VRTN: variants seen among roughly 807,000 people sequenced by gnomAD.
The protein encoded by VRTN is vertnin.
VRTN carries 5 observed loss-of-function variants against 18.2 expected under a neutral mutation model. That is an observed-to-expected ratio of 0.27 (90% confidence interval 0.14 to 0.58). VRTN has a LOEUF of 0.58. Among genes scored for constraint, VRTN ranks in the 20% least tolerant of loss-of-function variants. The probability of loss-of-function intolerance (pLI) is 0.91; values close to 1 mark genes in which losing one functional copy is unlikely to be tolerated. For missense variants in VRTN, 741 were observed against 939.4 expected (o/e 0.79, Z 2.76); for synonymous variants, 381 against 393.7 (o/e 0.97, Z 0.38).
At chr14:74,303,036 A>G (rs149188516), upstream of VRTN, 929 of 1,075,782 alleles carry the variant, frequency 8.6e-4, 2 homozygotes, top group African/African-American at 0.014. Context: ...GGTGCGGGAG[A>G]CGCGGACTCT....
At chr14:74,354,978 C>A (rs2140213607) in intron 1 of VRTN, among the ~76,000 whole-genome samples, 1 of 151,824 alleles carries the variant, frequency 6.6e-6, no homozygotes, top group African/African-American at 2.4e-5. Flanking sequence ...CCCGTCTCTA[C>A]TAAAATTACA....
At chr14:74,309,551 AAC>A (rs1420678466) in intron 1 of VRTN, among the ~76,000 whole-genome samples, 2 of 152,116 alleles carry the variant, frequency 1.3e-5, no homozygotes, top group Non-Finnish European at 1.5e-5. Flanking sequence ...AACCTCAAAA[AAC>A]ACACAGTGAG....
chr14:74,357,756 C>A lies in VRTN; in HGVS notation c.973C>A (p.His325Asn), dbSNP rs773103503. Residue 325 changes from histidine (H) to asparagine (N), a missense_variant, in exon 2 of 2, where the codon CAC (histidine) becomes AAC (asparagine). His to Asn is a moderately conservative substitution (Grantham distance 68). Coordinates refer to ENST00000256362, the MANE Select transcript of VRTN (RefSeq NM_018228.3). This position sits in a 1 kb window ranked among gnomAD's most constrained non-coding sequence, Gnocchi z 7.8. ...CAAGCACTTCCTGCAGGACAGCTTC[C>A]ACCGGGGGGGCGTCGTGCCACTTCA... ...SAKHFLQDSF[H>N]RGGVVPLQQF... 1.2e-6 allele frequency: 2 copies of A among 1,613,192 alleles called. No homozygotes were observed. The highest frequency in any genetic ancestry group is 2.7e-5 in the African/African-American group (2 of 74,950).
intron 1 of VRTN, among the ~76,000 whole-genome samples, chr14:74,331,547 TATATATATATATATATATA>T (rs2085525438): frequency 7.5e-5 from 2 of 26,726 alleles, no homozygotes; most frequent in South Asian, 3.2e-3. Context: ...AAAAATTTTA[TATATATATATATATATATA>T]TATATATATA....
intron 1 of VRTN, among the ~76,000 whole-genome samples, chr14:74,350,159 A>C (rs2085674626): frequency 6.6e-6 from 1 of 152,126 alleles, no homozygotes; most frequent in African/African-American, 2.4e-5. Context: ...TGTCTACTTA[A>C]GAGTGATAGG....
At chr14:74,313,379 A>AG (rs1420624517) in intron 1 of VRTN, among the ~76,000 whole-genome samples, 2 of 152,240 alleles carry the variant, frequency 1.3e-5, no homozygotes, top group East Asian at 1.9e-4. Flanking sequence ...GCAAAAAAAA[A>AG]GAAATTCCTG....
chr14:74,351,495 GTTTTT>G (rs59810913), intron 1 of VRTN, among the ~76,000 whole-genome samples: 11 of 89,692 alleles, frequency 1.2e-4, no homozygotes, highest in Non-Finnish European at 1.8e-4. Context: ...TGATTACCAG[GTTTTT>G]TTTTTTTTTT....
At chr14:74,305,091 G>C (rs896797292) in intron 1 of VRTN, among the ~76,000 whole-genome samples, 7 of 152,084 alleles carry the variant, frequency 4.6e-5, no homozygotes, top group African/African-American at 1.7e-4. Context: ...CAGCGCTTTT[G>C]GAGGCCGAAG....
chr14:74,333,103 C>T (rs2085539077), intron 1 of VRTN, among the ~76,000 whole-genome samples: 1 of 152,218 alleles, frequency 6.6e-6, no homozygotes, highest in South Asian at 2.1e-4. Flanking sequence ...TGTTTATATG[C>T]CAGGCACGGT....
intron 1 of VRTN, among the ~76,000 whole-genome samples, chr14:74,307,472 G>C (rs72730118): frequency 6.6e-6 from 1 of 151,812 alleles, no homozygotes; most frequent in Admixed American, 6.6e-5. Flanking sequence ...TGCTCTTGAA[G>C]GCCAAAAATG....
upstream of VRTN, among the ~76,000 whole-genome samples, chr14:74,346,843 G>A (rs1350538048): frequency 2.0e-5 from 3 of 151,948 alleles, no homozygotes; most frequent in South Asian, 2.1e-4. Flanking sequence ...AAAACACTTT[G>A]AAAGATTCCA....
At chr14:74,330,118 G>A (rs2085512175) in intron 1 of VRTN, among the ~76,000 whole-genome samples, 2 of 151,898 alleles carry the variant, frequency 1.3e-5, no homozygotes, top group Admixed American at 6.6e-5. Flanking sequence ...CAAGTGATCT[G>A]CCTGCCTCGG....
At chr14:74,310,828 G>A (rs988519603) in intron 1 of VRTN, among the ~76,000 whole-genome samples, 3 of 152,044 alleles carry the variant, frequency 2.0e-5, no homozygotes, top group South Asian at 2.1e-4. Context: ...ATGAGCCACT[G>A]CACCCGGTGA....
In VRTN at chr14:74,357,821, C is replaced by A; in HGVS notation, c.1038C>A (p.Thr346=). 1.2e-6 allele frequency: 2 copies of A among 1,613,526 alleles called. No homozygotes were observed. Among genetic ancestry groups the A allele is most frequent in the Non-Finnish European group, 1.7e-6 (2 of 1,180,046 alleles). ...LQRFPEISRS[T]YYAWKHELLG... is the part of the protein sequence containing the mutation. ...GGTTCCCGGAGATCTCCCGCTCAACCTACTATGCCTGGAAGCATGAGCTGC... is the reference window on the plus strand; with the variant it reads ...GGTTCCCGGAGATCTCCCGCTCAACATACTATGCCTGGAAGCATGAGCTGC... Residue 346 remains threonine (T), a synonymous_variant, in exon 2 of 2, where the codon ACC becomes ACA. Coordinates refer to ENST00000256362, the MANE Select transcript of VRTN (RefSeq NM_018228.3). The surrounding 1 kb of genome is among the most constrained non-coding windows in gnomAD (Gnocchi z 7.8).
intron 1 of VRTN, among the ~76,000 whole-genome samples, chr14:74,356,412 G>T (rs1039120123): frequency 1.3e-5 from 2 of 152,144 alleles, no homozygotes; most frequent in South Asian, 2.1e-4. Context: ...TCGAACTCCT[G>T]CCCTCAAGTG....
intron 1 of VRTN, among the ~76,000 whole-genome samples, chr14:74,326,740 A>G (rs554485983): frequency 6.4e-4 from 97 of 152,136 alleles, no homozygotes; most frequent in Middle Eastern, 3.4e-3. Flanking sequence ...GCCGAGCTCC[A>G]CACCACACCA....
At chr14:74,323,878 T>A (rs989568491) in intron 1 of VRTN, among the ~76,000 whole-genome samples, 4 of 152,188 alleles carry the variant, frequency 2.6e-5, no homozygotes, top group Admixed American at 1.3e-4. Context: ...ATTATTTATA[T>A]GAAATGCAAA....
At chr14:74,344,244 T>TCCAAAAAAAAAAAAA (rs760737512), upstream of VRTN, among the ~76,000 whole-genome samples, 471 of 2,382 alleles carry the variant, frequency 0.2, 26 homozygotes, top group East Asian at 0.46. Context: ...CTCTGCTTTC[T>TCCAAAAAAAAAAAAA]ACAAAAAAAA....
At chr14:74,335,084 C>A (rs1401960072) in intron 1 of VRTN, among the ~76,000 whole-genome samples, 1 of 152,106 alleles carries the variant, frequency 6.6e-6, no homozygotes, top group Admixed American at 6.6e-5. Context: ...GAGTTTGAGA[C>A]CAGCCTGGTC....
Sources: allele counts gnomAD v4.1 joint callset (sites outside exome capture counted in the v4.1 genomes callset), GRCh38; gene constraint gnomAD v4.1.1; non-coding constraint Gnocchi (gnomAD v3.1); transcripts MANE v1.5; gene names NCBI Gene and HGNC (gene_info 2026-07-23, HGNC 2026-07-21).